The following SPATS2 variants were observed in gnomAD, a reference collection of about 807,000 sequenced individuals.
The protein encoded by SPATS2 is spermatogenesis-associated serine-rich protein 2.
A neutral mutation model predicts 63.7 loss-of-function variants in SPATS2; 38 were observed. The observed-to-expected ratio is 0.60, with a 90% CI of 0.46 to 0.78. SPATS2 has a LOEUF of 0.78. Ranked by LOEUF, SPATS2 falls within the 30% of genes least tolerant of loss-of-function variation. The probability of loss-of-function intolerance (pLI) is 0.00; values close to 1 mark genes in which losing one functional copy is unlikely to be tolerated. For missense variants in SPATS2, 588 were observed against 666.2 expected (o/e 0.88, Z 1.29); for synonymous variants, 207 against 232.9 (o/e 0.89, Z 1.01).
intron 9 of SPATS2, among the ~76,000 whole-genome samples, chr12:49,500,980 CTCTG>C (rs1256046258): frequency 1.3e-5 from 2 of 151,954 alleles, no homozygotes; most frequent in Non-Finnish European, 2.9e-5. Flanking sequence ...CAGGGTCTTA[CTCTG>C]TCTGTCACCC....
chr12:49,379,957 C>A (rs1944185153), intron 2 of SPATS2, among the ~76,000 whole-genome samples: 1 of 151,934 alleles, frequency 6.6e-6, no homozygotes, highest in Non-Finnish European at 1.5e-5. Context: ...CCAAAGGAGA[C>A]CCTGTATTCA....
intron 2 of SPATS2, among the ~76,000 whole-genome samples, chr12:49,441,151 G>T (rs1945411488): frequency 6.6e-6 from 1 of 151,894 alleles, no homozygotes; most frequent in Non-Finnish European, 1.5e-5. Flanking sequence ...TTTCTAATTG[G>T]GCTACAGTGT....
At chr12:49,369,038 T>G (rs1270035538) in intron 1 of SPATS2, among the ~76,000 whole-genome samples, 2 of 122,924 alleles carry the variant, frequency 1.6e-5, no homozygotes, top group Non-Finnish European at 3.8e-5. Flanking sequence ...CTCTTTTTTT[T>G]TTTTTTTTTT....
rs764844440 is a variant in SPATS2, at chr12:49,500,225, A to G, written c.839+20A>G. On this transcript the variant is annotated intron_variant, in intron 9 of 13. Coordinates refer to ENST00000552918, the MANE Select transcript of SPATS2 (RefSeq NM_023071.4). ...GAGCTGGTAATTTAAGCTGCATTTG[A>G]TATCAGTAGCATAAAAATGATCATA... 8 of 1,585,564 alleles carry G rather than the reference A, an allele frequency of 5.0e-6. No homozygotes were observed. Among genetic ancestry groups the G allele is most frequent in the South Asian group, 4.7e-5 (4 of 85,870 alleles).
At chr12:49,388,111 A>C (rs575011161) in intron 2 of SPATS2, among the ~76,000 whole-genome samples, 1 of 152,002 alleles carries the variant, frequency 6.6e-6, no homozygotes, top group South Asian at 2.1e-4. Context: ...TGTCTCTGTT[A>C]CTAATATTAA....
chr12:49,486,959 C>T (rs1029367691), intron 4 of SPATS2, among the ~76,000 whole-genome samples: 1 of 151,932 alleles, frequency 6.6e-6, no homozygotes, highest in African/African-American at 2.4e-5. Flanking sequence ...AAGATCTTTT[C>T]TCATCTTATT....
intron 4 of SPATS2, among the ~76,000 whole-genome samples, chr12:49,485,380 G>A (rs13377828): frequency 0.013 from 1,996 of 151,830 alleles, 45 homozygotes; most frequent in African/African-American, 0.045. Context: ...GGGTTTTTTC[G>A]AGACAGAGTC....
intron 2 of SPATS2, among the ~76,000 whole-genome samples, chr12:49,428,522 A>G (rs1329440895): frequency 1.3e-5 from 2 of 152,178 alleles, no homozygotes; most frequent in Non-Finnish European, 2.9e-5. Flanking sequence ...ATGGAATGAT[A>G]TAGTATTTGT....
intron 11 of SPATS2, among the ~76,000 whole-genome samples, chr12:49,519,940 G>A (rs1279805951): frequency 4.0e-5 from 6 of 150,514 alleles, no homozygotes; most frequent in Admixed American, 1.3e-4. Flanking sequence ...CCAGCCTCCC[G>A]AGTAGCTGGG....
In SPATS2 at chr12:49,486,492, T is replaced by C. The variant is rs370021953; in HGVS notation, c.105+1823T>C. ...GGGATTACAGGCATGAGCCACCGCA[T>C]CCAGCAGAGTCTGTAATTTTTACCT... is the stretch of plus-strand genomic sequence containing the variant. On this transcript the variant is annotated intron_variant, in intron 4 of 13. Transcript: ENST00000552918. 1.2e-3 allele frequency: 325 copies of C among 264,774 alleles called. 5 individuals carry two copies. The highest frequency in any genetic ancestry group is 0.011 in the South Asian group (301 of 28,050). 16.4% of individuals were successfully genotyped at this position (264,774 alleles called of 1,614,324 possible).
chr12:49,519,175 A>T lies in SPATS2; in HGVS notation c.1001A>T (p.Asp334Val). Residue 334 changes from aspartate to valine, a missense_variant, in exon 11 of 14, where the codon GAT (aspartate) becomes GTT (valine). Asp to Val is a radical substitution (Grantham distance 152). Transcript: ENST00000552918. ...CAGCAATTGGTTGAGCTCAGAGCTG[A>T]TATCAAGGTAAAACTTCTTTCTGCT... ...SEQQLVELRA[D>V]IKHFVSERKY... 4 of 1,612,476 alleles carry T rather than the reference A, an allele frequency of 2.5e-6. No homozygotes were observed. Among genetic ancestry groups the T allele is most frequent in the Non-Finnish European group, 3.4e-6 (4 of 1,179,258 alleles).
At chr12:49,372,940 TTGTGTGTGTGTGTGTGTGTGTG>T (rs56940721) in intron 2 of SPATS2, among the ~76,000 whole-genome samples, 17 of 130,136 alleles carry the variant, frequency 1.3e-4, no homozygotes, top group Admixed American at 5.5e-4. Flanking sequence ...ATTTTCTGTT[TTGTGTGTGTGTGTGTGTGTGTG>T]TGTGTGTGTG....
chr12:49,413,318 A>C (rs764029012), intron 2 of SPATS2, among the ~76,000 whole-genome samples: 2 of 151,972 alleles, frequency 1.3e-5, no homozygotes, highest in Non-Finnish European at 2.9e-5. Context: ...ATCTCTCTCT[A>C]TTTTCGTGTA....
chr12:49,445,076 T>C lies in SPATS2; in HGVS notation c.-243-15694T>C, dbSNP rs369978574. On this transcript the variant is annotated intron_variant, in intron 2 of 13. Transcript: ENST00000552918. ...AACATGTTACTTCTTCCTTTCCAAT[T>C]GTGATGCCTTTACTTTCTTTTCTTT... Among the ~76,000 whole-genome samples the C allele has an allele frequency of 4.7e-4, 72 of 152,350 alleles. No homozygotes were observed. In the South Asian group the frequency reaches 0.012, roughly 26 times the overall value.
intron 2 of SPATS2, among the ~76,000 whole-genome samples, chr12:49,459,091 C>T (rs1945772056): frequency 6.6e-6 from 1 of 151,972 alleles, no homozygotes; most frequent in African/African-American, 2.4e-5. Flanking sequence ...AGGGGTCAGC[C>T]CATAAAAGGG....
intron 9 of SPATS2, 62 bp downstream of exon 9, chr12:49,500,267 G>A (rs1345618265): frequency 1.3e-6 from 2 of 1,499,186 alleles, no homozygotes; most frequent in Admixed American, 2.3e-5. Flanking sequence ...TATAAAGATG[G>A]TCAGCCATTC....
intron 10 of SPATS2, among the ~76,000 whole-genome samples, chr12:49,516,204 T>TATATATATATATATAAAAATAA (rs764472141): frequency 2.8e-5 from 2 of 70,700 alleles, no homozygotes; most frequent in African/African-American, 1.1e-4. Flanking sequence ...TATATATATA[T>TATATATATATATATAAAAATAA]ATATAAATCA....
rs546622527 is a variant in SPATS2, at chr12:49,526,023, G to A, written c.1406G>A (p.Arg469Gln). 50 of 1,614,234 alleles carry A rather than the reference G, an allele frequency of 3.1e-5. No individual in the cohort carries two copies. Among genetic ancestry groups the A allele is most frequent in the South Asian group, 3.1e-4 (28 of 91,088 alleles). ...TCCAATGACCCCATGAACCAAGGGC[G>A]GCATGACAGTATGGGTCGTTACAGA... The part of the protein sequence containing the change: ...QKSNDPMNQG[R>Q]HDSMGRYRNS... Residue 469 changes from arginine (R) to glutamine (Q), a missense_variant, in exon 14 of 14, where the codon CGG (arginine) becomes CAG (glutamine). Transcript: ENST00000552918.
chr12:49,388,867 A>AT (rs916061991), intron 2 of SPATS2, among the ~76,000 whole-genome samples: 21 of 151,332 alleles, frequency 1.4e-4, no homozygotes, highest in African/African-American at 4.1e-4. Flanking sequence ...GCTAATTTTA[A>AT]TTTTTTTGTA....
Sources: gnomAD v4.1 joint callset for allele counts (sites outside exome capture counted in the v4.1 genomes callset) on GRCh38, gnomAD v4.1.1 for gene constraint, MANE v1.5 for transcripts, NCBI Gene and HGNC (gene_info 2026-07-23, HGNC 2026-07-21) for gene names.